CFAP47: variants seen among roughly 807,000 people sequenced by gnomAD.
CFAP47 encodes the protein cilia- and flagella-associated protein 47.
CFAP47 carries 29 observed loss-of-function variants against 148.1 expected under a neutral mutation model. The observed-to-expected ratio is 0.20, with a 90% CI of 0.15 to 0.27. The LOEUF (loss-of-function observed/expected upper bound fraction) is 0.27, where lower values mean the gene tolerates loss of function less well. CFAP47 is among the 10% of genes least tolerant of loss of function. The pLI is 1.00. For missense variants in CFAP47, 1,872 were observed against 1,697.5 expected (o/e 1.10, Z -1.81); for synonymous variants, 664 against 577.3 (o/e 1.15, Z -2.15).
chrX:36,372,603 A>G (rs1396733228), intron 62 of CFAP47, among the ~76,000 whole-genome samples: 7 of 111,476 alleles, frequency 6.3e-5, no homozygotes, highest in Non-Finnish European at 9.4e-5. Flanking sequence ...CCAGCACAGG[A>G]TGTTACTATA....
intron 57 of CFAP47, among the ~76,000 whole-genome samples, chrX:36,328,606 C>A (rs782017500): frequency 5.7e-4 from 61 of 107,623 alleles, no homozygotes; most frequent in Non-Finnish European, 9.6e-4. Context: ...GTCAGGAGAT[C>A]GAGACCATCC....
chrX:36,343,342 A>G (rs1377591855), intron 57 of CFAP47, among the ~76,000 whole-genome samples: 1 of 112,362 alleles, frequency 8.9e-6, no homozygotes, highest in East Asian at 2.8e-4. Flanking sequence ...AAAGTTCATC[A>G]TCACTGGTCA....
intron 18 of CFAP47, among the ~76,000 whole-genome samples, chrX:35,995,736 A>G (rs1313540162): frequency 2.7e-5 from 3 of 111,671 alleles, no homozygotes; most frequent in African/African-American, 9.8e-5. Context: ...ACGATTCATC[A>G]TAGAGATGAA....
chrX:36,282,412 T>C (rs945269422), intron 50 of CFAP47, among the ~76,000 whole-genome samples: 1 of 111,383 alleles, frequency 9.0e-6, no homozygotes, highest in Non-Finnish European at 1.9e-5. Context: ...GTTAATAGGC[T>C]AAAAAAGACT....
intron 15 of CFAP47, among the ~76,000 whole-genome samples, chrX:35,982,538 C>T (rs960335751): frequency 9.0e-6 from 1 of 110,956 alleles, no homozygotes; most frequent in Admixed American, 9.6e-5. Context: ...TTTGCCAGGG[C>T]TTATCTCCAT....
intron 26 of CFAP47, among the ~76,000 whole-genome samples, chrX:36,061,317 AG>A (rs773260825): frequency 4.5e-4 from 50 of 111,677 alleles, no homozygotes; most frequent in African/African-American, 1.6e-3. Context: ...GCCCAACCTC[AG>A]GTAGTTCTTT....
At chrX:36,238,282 C>A (rs1222925074) in intron 48 of CFAP47, among the ~76,000 whole-genome samples, 2 of 111,934 alleles carry the variant, frequency 1.8e-5, no homozygotes, top group Non-Finnish European at 3.8e-5. Context: ...TTCCCCTGCA[C>A]ATGTTCTCTC....
At chrX:36,186,291 A>C (rs144012913) in intron 40 of CFAP47, among the ~76,000 whole-genome samples, 125 of 111,213 alleles carry the variant, frequency 1.1e-3, no homozygotes, top group African/African-American at 3.8e-3. Context: ...CCCCATTGAC[A>C]TTTGTAGATC....
chrX:36,187,635 T>A (rs1484396491), intron 40 of CFAP47, among the ~76,000 whole-genome samples: 1 of 111,731 alleles, frequency 9.0e-6, no homozygotes, highest in African/African-American at 3.2e-5. Context: ...ATGTGCAAAT[T>A]ATGTAAAATA....
At chrX:35,942,591 AT>A (rs200917143) in intron 3 of CFAP47, among the ~76,000 whole-genome samples, 7,372 of 110,807 alleles carry the variant, frequency 0.067, 659 homozygotes, top group African/African-American at 0.23. Flanking sequence ...TAATTAAGGT[AT>A]TTTTATTTGT....
chrX:35,965,272 A>G (rs960802679), intron 8 of CFAP47, among the ~76,000 whole-genome samples: 1 of 111,635 alleles, frequency 9.0e-6, no homozygotes, highest in East Asian at 2.8e-4. Context: ...CCTTGAATCA[A>G]TAAGTCTCAC....
intron 57 of CFAP47, among the ~76,000 whole-genome samples, chrX:36,339,786 A>C (rs2146977864): frequency 8.9e-6 from 1 of 112,378 alleles, no homozygotes; most frequent in Non-Finnish European, 1.9e-5. Context: ...TATTCTTAAA[A>C]AGAAAACATA....
rs1471160083 is a variant in CFAP47, at chrX:36,160,755, G to A, written c.6012G>A (p.Thr2004=). ...TAAATGTGAAAAACCCCTTCCATAC[G>A]GCTGGGGACTTCAGGTAAGTTATTG... ...VTVNVKNPFH[T]AGDFSVILVE... is the part of the protein sequence containing the mutation. The change falls in exon 39 of 64, where the codon ACG becomes ACA. Residue 2004 remains threonine, a synonymous_variant. Coordinates refer to ENST00000378653, the MANE Select transcript of CFAP47 (RefSeq NM_001304548.2). 3.1e-5 allele frequency: 9 copies of A among 293,721 alleles called. No homozygotes were observed. The highest frequency in any genetic ancestry group is 4.8e-5 in the East Asian group (1 of 20,851). 24.2% of individuals were successfully genotyped at this position (293,721 alleles called of 1,213,427 possible).
chrX:36,243,647 GTATATATATATATATATATA>G (rs58640112), intron 48 of CFAP47, among the ~76,000 whole-genome samples: 750 of 64,246 alleles, frequency 0.012, 11 homozygotes, highest in Middle Eastern at 0.036. Flanking sequence ...ATATGTGTGT[GTATATATATATATATATATA>G]TATATATATA....
chrX:36,065,615 T>A (rs1231879407), intron 26 of CFAP47, 28 bp from the exon 27 acceptor site: 1 of 943,198 alleles, frequency 1.1e-6, no homozygotes, highest in Non-Finnish European at 1.5e-6. Context: ...ATTTTTATTG[T>A]ATTGAAATGC....
In CFAP47 at chrX:36,316,639, C is replaced by T. The variant is rs182266003; in HGVS notation, c.8345-2570C>T. ...TGACATGACCATACTGTGTCTCATC[C>T]GTGACTGCAGATGGTGTCCCTAATC... On this transcript the variant is annotated intron_variant, in intron 56 of 63. Coordinates refer to ENST00000378653, the MANE Select transcript of CFAP47 (RefSeq NM_001304548.2). 3.0e-3 allele frequency among the ~76,000 whole-genome samples: 335 copies of T among 111,980 alleles called. 2 individuals are homozygous for T. Among genetic ancestry groups the T allele is most frequent in the Non-Finnish European group, 5.4e-3 (288 of 53,214 alleles).
chrX:36,375,576 T>C (rs1942015115), intron 62 of CFAP47, among the ~76,000 whole-genome samples: 1 of 112,592 alleles, frequency 8.9e-6, no homozygotes, highest in African/African-American at 3.2e-5. Context: ...GTTTGTTTAC[T>C]GATATCTAAT....
At chrX:36,288,065 T>C (rs1262914524) in intron 51 of CFAP47, among the ~76,000 whole-genome samples, 7 of 112,153 alleles carry the variant, frequency 6.2e-5, no homozygotes, top group Non-Finnish European at 1.3e-4. Flanking sequence ...CCATCTCTTA[T>C]TTTTTTATCT....
chrX:36,041,531 G>C (rs1937404009), intron 25 of CFAP47, among the ~76,000 whole-genome samples: 1 of 111,126 alleles, frequency 9.0e-6, no homozygotes. Flanking sequence ...TCAAACTATA[G>C]AATAATAATA....
Sources: gnomAD v4.1 joint callset for allele counts (sites outside exome capture counted in the v4.1 genomes callset) on GRCh38, gnomAD v4.1.1 for gene constraint, MANE v1.5 for transcripts, NCBI Gene and HGNC (gene_info 2026-07-23, HGNC 2026-07-21) for gene names.